The following SYNJ1 variants were observed in gnomAD, a reference collection of about 807,000 sequenced individuals.
SYNJ1 encodes polyphosphatidylinositol phosphatase SYNJ1.
A neutral mutation model predicts 168.2 loss-of-function variants in SYNJ1; 78 were observed. That is an observed-to-expected ratio of 0.46 (90% CI 0.39 to 0.56). The LOEUF (loss-of-function observed/expected upper bound fraction) is 0.56, where lower values mean the gene tolerates loss of function less well. SYNJ1 is among the 20% of genes least tolerant of loss of function. The pLI, the probability that SYNJ1 is intolerant of heterozygous loss-of-function variation, is 0.00. For missense variants in SYNJ1, 1,303 were observed against 1,597.6 expected, an observed-to-expected ratio of 0.82 and a Z score of 3.14; for synonymous variants, 539 against 548.6, an observed-to-expected ratio of 0.98 and a Z score of 0.24.
intron 3 of SYNJ1, 145 bp from the exon 4 acceptor site, chr21:32,700,250 G>T: frequency 1.1e-6 from 1 of 924,976 alleles, no homozygotes; most frequent in Non-Finnish European, 1.6e-6. Context: ...AGACATTTTA[G>T]TTGAAAAAAA....
chr21:32,690,366 C>A (rs1393848247), intron 6 of SYNJ1, among the ~76,000 whole-genome samples: 1 of 152,124 alleles, frequency 6.6e-6, no homozygotes, highest in Non-Finnish European at 1.5e-5. Context: ...CGTCACCATG[C>A]CCGAATGATT....
intron 6 of SYNJ1, among the ~76,000 whole-genome samples, chr21:32,688,788 C>G (rs554445562): frequency 6.6e-6 from 1 of 152,220 alleles, no homozygotes; most frequent in African/African-American, 2.4e-5. Flanking sequence ...TAACCAATTC[C>G]AAAAGAGATT....
chr21:32,683,580 C>T (rs1268108712), intron 10 of SYNJ1, among the ~76,000 whole-genome samples: 1 of 151,856 alleles, frequency 6.6e-6, no homozygotes, highest in African/African-American at 2.4e-5. Context: ...AATTTGAAAA[C>T]ACCAAACAAA....
At chr21:32,727,895 T>TTGGA in intron 1 of SYNJ1, 51 bp downstream of exon 1, 3 of 1,528,366 alleles carry the variant, frequency 2.0e-6, no homozygotes, top group Non-Finnish European at 2.6e-6. Flanking sequence ...CCCGCCCGGC[T>TTGGA]GCCCGTGGGT....
At chr21:32,694,564 T>C (rs1052436226) in intron 5 of SYNJ1, among the ~76,000 whole-genome samples, 3 of 152,210 alleles carry the variant, frequency 2.0e-5, no homozygotes, top group Non-Finnish European at 4.4e-5. Context: ...TAAATCTTAA[T>C]ATTTTACATA....
In SYNJ1 at chr21:32,694,226, A is replaced by G; in HGVS notation, c.789+2T>C. ...AAAAATAACTGAATGTCAAACACATACTTGCAACCCTGGTTGCTCCCAGAA... is the reference window on the plus strand; with the variant it reads ...AAAAATAACTGAATGTCAAACACATGCTTGCAACCCTGGTTGCTCCCAGAA... On this transcript the variant is annotated splice_donor_variant, in intron 6 of 32. Coordinates refer to ENST00000674351, the MANE Select transcript of SYNJ1 (RefSeq NM_203446.3). LOFTEE classifies it high-confidence loss of function. 1 of 1,530,782 alleles carries G rather than the reference A, an allele frequency of 6.5e-7. No individual in the cohort carries two copies. The highest frequency in any genetic ancestry group is 8.7e-7 in the Non-Finnish European group (1 of 1,147,674). 94.8% of individuals were successfully genotyped at this position (1,530,782 alleles called of 1,614,324 possible). A position where few individuals can be genotyped will look rare whatever the true frequency, so the allele number is the denominator to read the frequency against.
chr21:32,712,975 C>G (rs1250305711), intron 2 of SYNJ1, among the ~76,000 whole-genome samples: 3 of 152,166 alleles, frequency 2.0e-5, no homozygotes, highest in Non-Finnish European at 4.4e-5. Flanking sequence ...AAAACATGTA[C>G]AAGGATGTTC....
At chr21:32,632,734 G>A (rs958612644) in intron 32 of SYNJ1, among the ~76,000 whole-genome samples, 14 of 152,134 alleles carry the variant, frequency 9.2e-5, no homozygotes, top group Admixed American at 9.2e-4. Context: ...ACTGAGTAAT[G>A]TGAGGCTGGG....
intron 2 of SYNJ1, among the ~76,000 whole-genome samples, chr21:32,716,855 A>G (rs1326786737): frequency 1.3e-5 from 2 of 151,520 alleles, no homozygotes; most frequent in East Asian, 3.9e-4. Context: ...TCTGTATTTT[A>G]TTTTGGACAG....
intron 14 of SYNJ1, 71 bp from the exon 15 acceptor site, chr21:32,670,443 A>C: frequency 1.7e-6 from 2 of 1,143,906 alleles, no homozygotes; most frequent in Non-Finnish European, 2.6e-6. Flanking sequence ...CCAACACAAC[A>C]TAACACCAGG....
chr21:32,713,689 C>CATGGATGATTTCCCATATATCAAT (rs2042920689), intron 2 of SYNJ1, among the ~76,000 whole-genome samples: 11 of 150,534 alleles, frequency 7.3e-5, no homozygotes, highest in Middle Eastern at 3.5e-3. Context: ...CATATATCAA[C>CATGGATGATTTCCCATATATCAAT]ATGGATGATT....
chr21:32,727,668 G>T (rs1601566332), intron 1 of SYNJ1, among the ~76,000 whole-genome samples: 2 of 152,284 alleles, frequency 1.3e-5, no homozygotes, highest in South Asian at 2.1e-4. Flanking sequence ...CCATTTATGC[G>T]CCAGAAGAGA....
Position 32,664,869 on chromosome 21 carries a change from G to T in SYNJ1, c.2304+44C>A. On this transcript the variant is annotated intron_variant, in intron 18 of 32. Coordinates refer to ENST00000674351, the MANE Select transcript of SYNJ1 (RefSeq NM_203446.3). ...CTTGATTTAAAAAGGCATGTTTCAC[G>T]ACCCAAAATCTTAATGCAAGTATTT... The T allele has an allele frequency of 4.0e-6, 6 of 1,488,890 alleles. No homozygotes were observed. In the South Asian group the frequency reaches 8.4e-5, roughly 21 times the overall value. The allele number at this position is 1,488,890 out of a possible 1,614,324, so 92.2% of individuals were successfully genotyped here. A position where few individuals can be genotyped will look rare whatever the true frequency, so the allele number is the denominator to read the frequency against.
intron 2 of SYNJ1, among the ~76,000 whole-genome samples, chr21:32,713,542 C>T (rs1371143403): frequency 7.0e-6 from 1 of 142,338 alleles, no homozygotes; most frequent in Non-Finnish European, 1.5e-5. Flanking sequence ...TCCCATATAT[C>T]AACATAGATG....
intron 18 of SYNJ1, among the ~76,000 whole-genome samples, chr21:32,662,943 A>G (rs1046452471): frequency 3.3e-5 from 5 of 152,206 alleles, no homozygotes; most frequent in Admixed American, 2.6e-4. Flanking sequence ...TGGATCCTCG[A>G]GTAAATATCT....
At chr21:32,652,349 C>T (rs1352291020) in intron 22 of SYNJ1, among the ~76,000 whole-genome samples, 1 of 152,146 alleles carries the variant, frequency 6.6e-6, no homozygotes, top group South Asian at 2.1e-4. Context: ...TACAGGCGCC[C>T]ACCACCACGC....
At chr21:32,725,540 G>C (rs775726310) in intron 2 of SYNJ1, among the ~76,000 whole-genome samples, 2 of 152,038 alleles carry the variant, frequency 1.3e-5, no homozygotes, top group Non-Finnish European at 2.9e-5. Context: ...ACTGTTCTTT[G>C]CTTAAGACTT....
upstream of SYNJ1, chr21:32,728,084 G>T: frequency 6.6e-7 from 1 of 1,516,332 alleles, no homozygotes. Flanking sequence ...CGCGAGGGAA[G>T]GGGCGGGGCA....
At position 32,666,563 on chromosome 21, in the gene SYNJ1, G is replaced by A; in HGVS notation, c.1822C>T (p.Gln608Ter). Residue 608 changes from glutamine to a stop codon, truncating the protein, a stop_gained, in exon 16 of 33, where the codon CAG becomes TAG. Coordinates refer to ENST00000674351, the MANE Select transcript of SYNJ1 (RefSeq NM_203446.3). LOFTEE classifies it high-confidence loss of function. ...TGAAGTTCTACAGCCCAGAGCTTCT[G>A]ATTTGTTGTGCTACAAGAAAATATT... Reference protein sequence around the residue: ...GNIVSASTTNQKLWAVELQKT... With the variant: ...GNIVSASTTN The A allele has an allele frequency of 6.2e-7, 1 of 1,608,606 alleles. No homozygotes were observed. Among genetic ancestry groups the A allele is most frequent in the Non-Finnish European group, 8.5e-7 (1 of 1,178,536 alleles).
Sources: allele counts gnomAD v4.1 joint callset (sites outside exome capture counted in the v4.1 genomes callset), GRCh38; gene constraint gnomAD v4.1.1; transcripts MANE v1.5; gene names NCBI Gene and HGNC (gene_info 2026-07-23, HGNC 2026-07-21).